BICRA: variants seen among roughly 807,000 people sequenced by gnomAD.
The protein encoded by BICRA is BRD4 interacting chromatin remodeling complex associated protein, also known as BRD4-interacting chromatin-remodeling complex-associated protein.
Under a neutral mutation model 96.9 loss-of-function variants are expected in BICRA, and 31 were observed. The observed-to-expected ratio is 0.32, with a 90% CI of 0.24 to 0.43. BICRA has a LOEUF of 0.43. Ranked by LOEUF, BICRA falls within the 20% of genes least tolerant of loss-of-function variation. The probability of loss-of-function intolerance (pLI) is 1.00; values close to 1 mark genes in which losing one functional copy is unlikely to be tolerated. For synonymous variants in BICRA, 1,350 were observed against 1,071.8 expected (o/e 1.26, Z -5.07); for missense variants, 2,283 against 2,190.3 (o/e 1.04, Z -0.84).
chr19:47,690,165 C>G (rs952657335), intron 7 of BICRA, among the ~76,000 whole-genome samples: 1 of 152,058 alleles, frequency 6.6e-6, no homozygotes, highest in African/African-American at 2.4e-5. Context: ...CCATGCCCAG[C>G]TAATTTTTGT....
intron 1 of BICRA, among the ~76,000 whole-genome samples, chr19:47,660,045 C>T (rs1035375316): frequency 6.6e-6 from 1 of 152,130 alleles, no homozygotes; most frequent in Non-Finnish European, 1.5e-5. Flanking sequence ...TTCCCATTGT[C>T]GCTGTAACAA....
At chr19:47,622,363 C>G (rs1377837993) in intron 1 of BICRA, among the ~76,000 whole-genome samples, 2 of 151,542 alleles carry the variant, frequency 1.3e-5, no homozygotes, top group Non-Finnish European at 2.9e-5. Flanking sequence ...TCCCAGAGTG[C>G]TGGGATTACA....
chr19:47,680,943 C>A lies in BICRA; in HGVS notation c.1773C>A (p.Ser591Arg), dbSNP rs1973040587. 4.1e-6 allele frequency: 6 copies of A among 1,477,988 alleles called. No individual in the cohort carries two copies. The South Asian group carries it at 7.9e-5, about 19-fold the overall frequency. The allele number at this position is 1,477,988 out of a possible 1,614,324, so 91.6% of individuals were successfully genotyped here. The change falls in exon 6 of 15, where the codon AGC becomes AGA. Residue 591 changes from serine (S) to arginine (R), a missense_variant. Ser to Arg is a moderately radical substitution (Grantham distance 110). Coordinates refer to ENST00000594866, the MANE Select transcript of BICRA (RefSeq NM_001394372.1). ...TVLQGVTLPP[S>R]AVAMLNTPDG... ...TCCAGGGGGTCACCCTGCCCCCCAG[C>A]GCCGTGGCCATGCTCAACACCCCCG...
chr19:47,675,968 G>A lies in BICRA; in HGVS notation c.150+52G>A. The A allele has an allele frequency of 4.4e-6, 6 of 1,351,936 alleles. No homozygotes were observed. The highest frequency in any genetic ancestry group is 6.2e-6 in the Non-Finnish European group (6 of 962,090). 83.7% of individuals were successfully genotyped at this position (1,351,936 alleles called of 1,614,324 possible). ...CCTGAGCTGTTGGGGCTGCCAGCGG[G>A]AGGAGGGCCCTGAAGCCAAGAGGGG... On this transcript the variant is annotated intron_variant, in intron 5 of 14. Transcript: ENST00000594866. This position sits in a 1 kb window ranked among gnomAD's most constrained non-coding sequence, Gnocchi z 4.7.
intron 1 of BICRA, among the ~76,000 whole-genome samples, chr19:47,635,567 T>C (rs1180216567): frequency 6.6e-6 from 1 of 152,152 alleles, no homozygotes; most frequent in Non-Finnish European, 1.5e-5. Flanking sequence ...TTCTAGGATT[T>C]TTTTCAAACA....
At chr19:47,696,356 C>T (rs1466789383) in intron 10 of BICRA, 95 bp from the exon 11 acceptor site, 2 of 1,168,796 alleles carry the variant, frequency 1.7e-6, no homozygotes, top group African/African-American at 1.5e-5. Context: ...ACACTGGTCC[C>T]CTGTCCCGTC....
Position 47,681,182 on chromosome 19 carries a change from C to T in BICRA, c.2012C>T (p.Ala671Val), listed in dbSNP as rs1194238049. ...ATTPQPSPGL[A>V]SSPEKIVLGQ... ...ACCCCCCAGCCCAGCCCTGGCCTGG[C>T]GTCTAGCCCGGAGAAGATCGTCCTG... Residue 671 changes from alanine (A) to valine (V), a missense_variant, in exon 6 of 15, where the codon GCG becomes GTG. Ala to Val is a moderately conservative substitution (Grantham distance 64). Coordinates refer to ENST00000594866, the MANE Select transcript of BICRA (RefSeq NM_001394372.1). 1.3e-6 allele frequency: 2 copies of T among 1,529,258 alleles called. No individual in the cohort carries two copies. Among genetic ancestry groups the T allele is most frequent in the Non-Finnish European group, 1.8e-6 (2 of 1,140,896 alleles). The allele number at this position is 1,529,258 out of a possible 1,614,324, so 94.7% of individuals were successfully genotyped here.
intron 1 of BICRA, among the ~76,000 whole-genome samples, chr19:47,637,862 C>T (rs927347218): frequency 2.6e-5 from 4 of 152,172 alleles, no homozygotes; most frequent in African/African-American, 7.2e-5. Flanking sequence ...GCTGCTGCGG[C>T]GATGCCTCAT....
intron 1 of BICRA, among the ~76,000 whole-genome samples, chr19:47,618,825 C>T (rs1972020339): frequency 6.6e-6 from 1 of 152,240 alleles, no homozygotes; most frequent in Admixed American, 6.5e-5. Context: ...TGCCTGGAGG[C>T]AGAGGATGGC....
At chr19:47,660,981 G>A (rs182844369) in intron 1 of BICRA, among the ~76,000 whole-genome samples, 43 of 149,980 alleles carry the variant, frequency 2.9e-4, no homozygotes, top group Non-Finnish European at 4.4e-4. Flanking sequence ...AGGCTGACGC[G>A]GGCAGATCAC....
chr19:47,649,552 C>T (rs1162767186), intron 1 of BICRA, among the ~76,000 whole-genome samples: 3 of 152,132 alleles, frequency 2.0e-5, no homozygotes, highest in Non-Finnish European at 4.4e-5. Flanking sequence ...GATTACCTGT[C>T]CAACAGAATC....
At chr19:47,624,271 C>T (rs776176397) in intron 1 of BICRA, among the ~76,000 whole-genome samples, 1 of 152,016 alleles carries the variant, frequency 6.6e-6, no homozygotes, top group African/African-American at 2.4e-5. Flanking sequence ...AGCTGGTTCC[C>T]GCCTCCCCAC....
rs887006927 is a variant in BICRA at position 47,667,027 on chromosome 19, T to TTA, written c.-107-3415_-107-3414insAT. Among the ~76,000 whole-genome samples, 163 of 151,728 alleles carry TTA rather than the reference T, an allele frequency of 1.1e-3. No individual in the cohort carries two copies. The Middle Eastern group carries it at 0.014, about 13-fold the overall frequency. On this transcript the variant is annotated intron_variant, in intron 1 of 14. Transcript: ENST00000594866. ...TTCCCGTTCATGTCTTTTTTCTTTT[T>TTA]TTTTTTTTTGAGACGGAGTCTTGCT...
intron 7 of BICRA, among the ~76,000 whole-genome samples, chr19:47,688,091 A>G (rs1973186348): frequency 6.6e-6 from 1 of 151,648 alleles, no homozygotes; most frequent in Non-Finnish European, 1.5e-5. Context: ...TTGTGTGTGA[A>G]GTTGAGCATC....
At chr19:47,688,993 A>G (rs1007692731) in intron 7 of BICRA, among the ~76,000 whole-genome samples, 4 of 151,694 alleles carry the variant, frequency 2.6e-5, no homozygotes, top group African/African-American at 9.7e-5. Context: ...AAGCCCGGCT[A>G]ATTTTTGTAT....
At chr19:47,686,698 T>C (rs570501692) in intron 7 of BICRA, among the ~76,000 whole-genome samples, 2 of 152,292 alleles carry the variant, frequency 1.3e-5, no homozygotes, top group Non-Finnish European at 2.9e-5. Context: ...CTGTTCTTTT[T>C]AAGTGCTGGT....
At chr19:47,649,813 A>G (rs1972516072) in intron 1 of BICRA, among the ~76,000 whole-genome samples, 1 of 152,180 alleles carries the variant, frequency 6.6e-6, no homozygotes, top group Admixed American at 6.5e-5. Flanking sequence ...GCCAACCCCA[A>G]GATTATTGAG....
chr19:47,702,147 C>T lies in BICRA; in HGVS notation c.4415C>T (p.Ala1472Val). The T allele has an allele frequency of 6.4e-7, 1 of 1,552,024 alleles. No homozygotes were observed. Among genetic ancestry groups the T allele is most frequent in the Non-Finnish European group, 8.6e-7 (1 of 1,157,110 alleles). ...PDWEAPGLPP[A>V]KRRKSESPDV... ...TGGGAGGCGCCCGGGCTGCCCCCTG[C>T]CAAGCGGCGCAAGTCCGAGTCGCCC... The change falls in exon 15 of 15, where the codon GCC becomes GTC. Residue 1472 changes from alanine (A) to valine (V), a missense_variant. By Grantham distance (64) the Ala-to-Val change is moderately conservative (BLOSUM62 0). Transcript: ENST00000594866.
At chr19:47,636,316 T>G (rs1972299924) in intron 1 of BICRA, among the ~76,000 whole-genome samples, 1 of 152,094 alleles carries the variant, frequency 6.6e-6, no homozygotes, top group Non-Finnish European at 1.5e-5. Flanking sequence ...AAGTGATCCT[T>G]CCTCCTCAGC....
Sources: allele counts gnomAD v4.1 joint callset (sites outside exome capture counted in the v4.1 genomes callset), GRCh38; gene constraint gnomAD v4.1.1; non-coding constraint Gnocchi (gnomAD v3.1); transcripts MANE v1.5; gene names NCBI Gene and HGNC (gene_info 2026-07-23, HGNC 2026-07-21).